ASCC3: variants seen among roughly 807,000 people sequenced by gnomAD.
ASCC3 encodes activating signal cointegrator 1 complex subunit 3.
In ASCC3, 158 loss-of-function variants were observed where a neutral mutation model predicts 256.3. The ratio of observed to expected loss-of-function variants is 0.62; its 90% CI spans 0.54 to 0.70. The LOEUF (loss-of-function observed/expected upper bound fraction) is 0.70, where lower values mean the gene tolerates loss of function less well. Ranked by LOEUF, ASCC3 falls within the 30% of genes least tolerant of loss-of-function variation. The probability of loss-of-function intolerance (pLI) is 0.00; values close to 1 mark genes in which losing one functional copy is unlikely to be tolerated. For missense variants in ASCC3, 2,259 were observed against 2,626.0 expected, an observed-to-expected ratio of 0.86 and a Z score of 3.05; for synonymous variants, 948 against 883.4, an observed-to-expected ratio of 1.07 and a Z score of -1.30.
At chr6:100,866,919 T>C (rs899755376) in intron 2 of ASCC3, among the ~76,000 whole-genome samples, 5 of 152,260 alleles carry the variant, frequency 3.3e-5, no homozygotes, top group African/African-American at 1.2e-4. Context: ...AAGTATCTTA[T>C]AAGTACATGT....
chr6:100,796,230 T>A (rs1194074274), intron 8 of ASCC3, among the ~76,000 whole-genome samples: 5 of 152,130 alleles, frequency 3.3e-5, no homozygotes, highest in Non-Finnish European at 7.4e-5. Flanking sequence ...CTAGACTATA[T>A]CGAATTGCTC....
chr6:100,621,042 ATTC>A (rs1386004464), intron 30 of ASCC3, among the ~76,000 whole-genome samples: 1 of 152,186 alleles, frequency 6.6e-6, no homozygotes, highest in African/African-American at 2.4e-5. Context: ...AGTTTGCCTT[ATTC>A]TTCAGATGGG....
intron 25 of ASCC3, among the ~76,000 whole-genome samples, chr6:100,637,294 G>A (rs1774888382): frequency 1.3e-5 from 2 of 152,142 alleles, no homozygotes. Flanking sequence ...CTGGATGACA[G>A]CATATCTACT....
At chr6:100,697,930 A>C (rs1320560138) in intron 13 of ASCC3, among the ~76,000 whole-genome samples, 2 of 152,172 alleles carry the variant, frequency 1.3e-5, no homozygotes, top group Non-Finnish European at 2.9e-5. Context: ...ATCTAAGCTT[A>C]GTTTATATCT....
At position 100,649,049 on chromosome 6, in the gene ASCC3, T is replaced by G. The variant is rs952861134; in HGVS notation, c.3252+1489A>C. Among the ~76,000 whole-genome samples, 6 of 151,804 alleles carry G rather than the reference T, an allele frequency of 4.0e-5. No individual in the cohort carries two copies. The East Asian group carries it at 1.2e-3, about 29-fold the overall frequency. The stretch of plus-strand genomic sequence containing the variant: ...CAGAGTTGAGAGAGTAGTTGTTCAA[T>G]TACTGATAGCTTAAACTTAAAATGT... On this transcript the variant is annotated intron_variant, in intron 20 of 41. Coordinates refer to ENST00000369162, the MANE Select transcript of ASCC3 (RefSeq NM_006828.4).
In ASCC3 at chr6:100,610,451, T is replaced by A. The variant is rs541525732; in HGVS notation, c.4786-3363A>T. Among the ~76,000 whole-genome samples, 11 of 152,258 alleles carry A rather than the reference T, an allele frequency of 7.2e-5. No individual in the cohort carries two copies. The South Asian group carries it at 2.3e-3, about 32-fold the overall frequency. On this transcript the variant is annotated intron_variant, in intron 30 of 41. Coordinates refer to ENST00000369162, the MANE Select transcript of ASCC3 (RefSeq NM_006828.4). ...AAAAATTTTCTAAGTTTTTTTTTAA[T>A]GTGGAAGCAAGCTGTTTTATACTTA...
At chr6:100,732,868 T>C (rs896689546) in intron 10 of ASCC3, among the ~76,000 whole-genome samples, 1 of 152,200 alleles carries the variant, frequency 6.6e-6, no homozygotes, top group Non-Finnish European at 1.5e-5. Flanking sequence ...AGTGTAGTGT[T>C]AGAGCCAAGT....
intron 40 of ASCC3, 86 bp downstream of exon 40, chr6:100,512,623 G>A: frequency 7.5e-7 from 1 of 1,328,938 alleles, no homozygotes; most frequent in Non-Finnish European, 1.1e-6. Context: ...AATGACACGG[G>A]CACATTAGTC....
At chr6:100,628,716 T>C (rs1774380617) in intron 27 of ASCC3, among the ~76,000 whole-genome samples, 1 of 152,124 alleles carries the variant, frequency 6.6e-6, no homozygotes, top group Non-Finnish European at 1.5e-5. Flanking sequence ...CTGTAGAATC[T>C]TGAGCCAATT....
chr6:100,853,347 G>T (rs1772778394), intron 3 of ASCC3, among the ~76,000 whole-genome samples: 1 of 151,392 alleles, frequency 6.6e-6, no homozygotes, highest in South Asian at 2.1e-4. Context: ...CCTGGAAAAA[G>T]GATGAGTAGA....
chr6:100,725,771 CAG>C, intron 10 of ASCC3, 68 bp from the exon 11 acceptor site: 1 of 1,569,596 alleles, frequency 6.4e-7, no homozygotes, highest in South Asian at 1.1e-5. Flanking sequence ...CTGTGATACT[CAG>C]AAAGAAATAT....
Position 100,715,462 on chromosome 6 carries a change from C to T in ASCC3, c.2151G>A (p.Gln717=). ...GTAAAAGCAGATAAAATAAGTGTAC[C>T]TGGTGTCCAGCCTTTACTTGCTTCA... ...NVLKQVKAGH[Q]VMVFVHARNA... Residue 717 remains glutamine, a splice_region_variant and synonymous_variant, in exon 13 of 42, where the codon CAG becomes CAA. Coordinates refer to ENST00000369162, the MANE Select transcript of ASCC3 (RefSeq NM_006828.4). 1.2e-6 allele frequency: 2 copies of T among 1,607,984 alleles called. No homozygotes were observed. Among genetic ancestry groups the T allele is most frequent in the Non-Finnish European group, 1.7e-6 (2 of 1,175,416 alleles).
At chr6:100,875,027 A>G (rs1319784180) in intron 1 of ASCC3, among the ~76,000 whole-genome samples, 1 of 152,246 alleles carries the variant, frequency 6.6e-6, no homozygotes, top group Non-Finnish European at 1.5e-5. Flanking sequence ...GATAATCAGA[A>G]TCACTGAAAA....
intron 1 of ASCC3, among the ~76,000 whole-genome samples, chr6:100,874,208 C>T (rs1773879444): frequency 6.6e-6 from 1 of 152,122 alleles, no homozygotes; most frequent in Non-Finnish European, 1.5e-5. Context: ...TGGCTCACAC[C>T]TGTAATCCCA....
intron 13 of ASCC3, among the ~76,000 whole-genome samples, chr6:100,699,801 C>A (rs138257783): frequency 1.3e-5 from 2 of 152,104 alleles, no homozygotes; most frequent in Admixed American, 6.5e-5. Flanking sequence ...AAGAGACTGG[C>A]GGCATTTTGC....
chr6:100,838,553 G>A (rs1771988828), intron 4 of ASCC3, among the ~76,000 whole-genome samples: 1 of 151,950 alleles, frequency 6.6e-6, no homozygotes, highest in African/African-American at 2.4e-5. Context: ...TATATTTACA[G>A]AATAACTAAT....
intron 14 of ASCC3, among the ~76,000 whole-genome samples, chr6:100,663,696 G>T (rs1776336474): frequency 6.6e-6 from 1 of 152,120 alleles, no homozygotes; most frequent in Non-Finnish European, 1.5e-5. Context: ...GATGGTAAGA[G>T]CAACAAATCT....
At chr6:100,536,338 T>G (rs941200913) in intron 37 of ASCC3, among the ~76,000 whole-genome samples, 1 of 152,194 alleles carries the variant, frequency 6.6e-6, no homozygotes, top group African/African-American at 2.4e-5. Flanking sequence ...AATATAGATG[T>G]TTTTACACAC....
rs920301879 is a variant in ASCC3, at chr6:100,589,855, A to G, written c.5416-87T>C. On this transcript the variant is annotated intron_variant, in intron 35 of 41. Coordinates refer to ENST00000369162, the MANE Select transcript of ASCC3 (RefSeq NM_006828.4). ...AATTCAGACAGGTGCTTTTGAAACA[A>G]TTTTTTAAAAAATTTTGATAGTATT... The G allele has an allele frequency of 1.8e-5, 29 of 1,595,882 alleles. No homozygotes were observed. In the East Asian group the frequency reaches 2.9e-4, roughly 16 times the overall value.
Sources: allele counts gnomAD v4.1 joint callset (sites outside exome capture counted in the v4.1 genomes callset), GRCh38; gene constraint gnomAD v4.1.1; transcripts MANE v1.5; gene names NCBI Gene and HGNC (gene_info 2026-07-23, HGNC 2026-07-21).